The following ABI2 variants were observed in gnomAD, a reference collection of about 807,000 sequenced individuals.
ABI2 encodes abelson interactor 2.
Under a neutral mutation model 59.2 loss-of-function variants are expected in ABI2, and 25 were observed. The ratio of observed to expected loss-of-function variants is 0.42; its 90% CI spans 0.31 to 0.59. The LOEUF is 0.59. Among genes scored for constraint, ABI2 ranks in the 20% least tolerant of loss-of-function variants. ABI2 has a pLI of 0.14. For synonymous variants in ABI2, 213 were observed against 235.5 expected, an observed-to-expected ratio of 0.90 and a Z score of 0.87; for missense variants, 545 against 681.8, an observed-to-expected ratio of 0.80 and a Z score of 2.23.
Position 203,401,748 on chromosome 2 carries a change from G to C in ABI2, c.1034-828G>C, listed in dbSNP as rs547512453. Among the ~76,000 whole-genome samples the C allele has an allele frequency of 2.0e-5, 3 of 152,130 alleles. No individual in the cohort carries two copies. In the South Asian group the frequency reaches 6.2e-4, roughly 32 times the overall value. On this transcript the variant is annotated intron_variant, in intron 8 of 11. Transcript: ENST00000261018. ...GGTAGATTTTTTTGATTAAAAGAAA[G>C]AAATGTTTGATTTGGAATTACGTCA...
At chr2:203,372,863 C>T (rs376964095) in intron 2 of ABI2, among the ~76,000 whole-genome samples, 4 of 151,546 alleles carry the variant, frequency 2.6e-5, no homozygotes, top group East Asian at 1.9e-4. Context: ...ATATCCCAGA[C>T]GGGGCGGCGG....
chr2:203,349,484 A>G (rs1169779657), intron 1 of ABI2, among the ~76,000 whole-genome samples: 1 of 152,084 alleles, frequency 6.6e-6, no homozygotes, highest in East Asian at 1.9e-4. Context: ...TGCTCACTGC[A>G]ACCTCTGCCT....
intron 1 of ABI2, among the ~76,000 whole-genome samples, chr2:203,337,944 C>T (rs557442268): frequency 1.3e-5 from 2 of 152,296 alleles, no homozygotes; most frequent in African/African-American, 2.4e-5. Context: ...TTGGGAGAAT[C>T]GCTTGAACCC....
At chr2:203,393,287 T>C (rs2153377868) in intron 5 of ABI2, among the ~76,000 whole-genome samples, 1 of 152,300 alleles carries the variant, frequency 6.6e-6, no homozygotes, top group South Asian at 2.1e-4. Context: ...ACTCCTGAGC[T>C]CAAGTGCTCT....
At chr2:203,390,168 A>G (rs1404289547) in intron 4 of ABI2, among the ~76,000 whole-genome samples, 1 of 152,170 alleles carries the variant, frequency 6.6e-6, no homozygotes, top group Non-Finnish European at 1.5e-5. Flanking sequence ...CCTCATAAGA[A>G]GATACTAACT....
At chr2:203,395,019 G>T in intron 6 of ABI2, 173 bp downstream of exon 6, 1 of 795,472 alleles carries the variant, frequency 1.3e-6, no homozygotes, top group South Asian at 1.4e-5. Context: ...ACTTTGAGCA[G>T]TCAGGAAGTT....
intron 9 of ABI2, among the ~76,000 whole-genome samples, chr2:203,409,236 G>A (rs562224025): frequency 2.0e-5 from 3 of 152,198 alleles, no homozygotes; most frequent in Admixed American, 6.5e-5. Flanking sequence ...AAGCAGACAC[G>A]CAAGTCAAGG....
intron 1 of ABI2, chr2:203,351,771 A>G (rs948319232): frequency 3.6e-6 from 1 of 281,466 alleles, no homozygotes; most frequent in African/African-American, 2.3e-5. Context: ...CCTGGCCTCA[A>G]GCAGTCCTCC....
At chr2:203,331,935 G>A (rs938393105) in intron 1 of ABI2, among the ~76,000 whole-genome samples, 13 of 151,120 alleles carry the variant, frequency 8.6e-5, no homozygotes, top group East Asian at 2.0e-4. Flanking sequence ...TCAGCCTCCC[G>A]AGTAGCTGGG....
intron 3 of ABI2, among the ~76,000 whole-genome samples, 169 bp from the exon 4 acceptor site, chr2:203,382,020 A>C (rs2096165576): frequency 6.6e-6 from 1 of 152,212 alleles, no homozygotes. Flanking sequence ...TTCATGACAC[A>C]TTCTGCTTTA....
chr2:203,354,671 A>G (rs894810621), intron 1 of ABI2, among the ~76,000 whole-genome samples: 2 of 151,800 alleles, frequency 1.3e-5, no homozygotes, highest in African/African-American at 4.8e-5. Context: ...CTTGCACTAT[A>G]CTGGTTCCCA....
chr2:203,389,053 C>A (rs2096642651), intron 4 of ABI2, among the ~76,000 whole-genome samples: 1 of 152,104 alleles, frequency 6.6e-6, no homozygotes, highest in African/African-American at 2.4e-5. Context: ...TTAAAAAAAT[C>A]TTCTGGTTTC....
intron 1 of ABI2, among the ~76,000 whole-genome samples, chr2:203,363,882 A>G (rs2093927425): frequency 6.6e-6 from 1 of 152,008 alleles, no homozygotes; most frequent in Non-Finnish European, 1.5e-5. Context: ...CTCCTGCCTC[A>G]GACTCCCAAG....
At chr2:203,374,585 T>C (rs2153116318) in intron 2 of ABI2, among the ~76,000 whole-genome samples, 1 of 151,746 alleles carries the variant, frequency 6.6e-6, no homozygotes, top group Non-Finnish European at 1.5e-5. Context: ...GCATAGAAAG[T>C]AGACTTTTTA....
chr2:203,331,966 C>A (rs1055947246), intron 1 of ABI2, among the ~76,000 whole-genome samples: 2 of 151,732 alleles, frequency 1.3e-5, no homozygotes, highest in African/African-American at 4.8e-5. Flanking sequence ...CGTGCCAACA[C>A]GCCCAGCTAA....
intron 2 of ABI2, among the ~76,000 whole-genome samples, chr2:203,372,151 A>G (rs1306656559): frequency 2.6e-5 from 4 of 151,860 alleles, no homozygotes; most frequent in Non-Finnish European, 2.9e-5. Context: ...TGCTGCCTTC[A>G]AGCATCTGTT....
intron 1 of ABI2, among the ~76,000 whole-genome samples, chr2:203,342,558 T>TTATTTATG (rs1422846323): frequency 2.1e-5 from 3 of 145,872 alleles, no homozygotes; most frequent in Non-Finnish European, 4.5e-5. Context: ...AACCTTTTAT[T>TTATTTATG]TATTTATTTA....
chr2:203,363,991 T>C (rs2093948363), intron 1 of ABI2, among the ~76,000 whole-genome samples: 1 of 152,094 alleles, frequency 6.6e-6, no homozygotes, highest in Admixed American at 6.6e-5. Context: ...CTCAAATGCC[T>C]GACCTCAGGT....
At chr2:203,330,950 C>G (rs2072865022) in intron 1 of ABI2, among the ~76,000 whole-genome samples, 1 of 152,130 alleles carries the variant, frequency 6.6e-6, no homozygotes, top group Non-Finnish European at 1.5e-5. Context: ...TTACTACTAT[C>G]AATCTCTGTT....
Sources: gnomAD v4.1 joint callset for allele counts (sites outside exome capture counted in the v4.1 genomes callset) on GRCh38, gnomAD v4.1.1 for gene constraint, MANE v1.5 for transcripts, NCBI Gene and HGNC (gene_info 2026-07-23, HGNC 2026-07-21) for gene names.